The following DPPA4 variants were observed in gnomAD, a reference collection of about 807,000 sequenced individuals.
The protein encoded by DPPA4 is developmental pluripotency-associated protein 4.
In DPPA4, 22 loss-of-function variants were observed where a neutral mutation model predicts 33.7. The ratio of observed to expected loss-of-function variants is 0.65; its 90% CI spans 0.47 to 0.93. The LOEUF is 0.93. Ranked by LOEUF, DPPA4 falls within the 40% of genes least tolerant of loss-of-function variation. The pLI, the probability that DPPA4 is intolerant of heterozygous loss-of-function variation, is 0.00. For missense variants in DPPA4, 340 were observed against 358.6 expected (o/e 0.95, Z 0.42); for synonymous variants, 156 against 132.3 (o/e 1.18, Z -1.23).
At chr3:109,330,207 CAGG>C (rs372101826) in intron 5 of DPPA4, 4 of 330,996 alleles carry the variant, frequency 1.2e-5, no homozygotes, top group Middle Eastern at 1.1e-3. Context: ...AAGGCTGAGG[CAGG>C]AGAATTGCTT....
upstream of DPPA4, chr3:109,337,626 C>G (rs1576841937): frequency 1.1e-6 from 1 of 881,078 alleles, no homozygotes; most frequent in Middle Eastern, 2.5e-4. Flanking sequence ...TTTCTTCTCC[C>G]CTTCTGTTCC....
In DPPA4 at chr3:109,327,969, T is replaced by C. The variant is rs1268296811; in HGVS notation, c.*19A>G. On this transcript the variant is annotated 3_prime_UTR_variant, in exon 7 of 7. Transcript: ENST00000335658. ...TTTCTGCCATTAATTACCATAGATG[T>C]GGCCTTTTTCCTGATATTCTATTCC... 1.3e-6 allele frequency: 2 copies of C among 1,532,746 alleles called. No homozygotes were observed. The highest frequency in any genetic ancestry group is 1.4e-5 in the African/African-American group (1 of 72,924). 94.9% of individuals were successfully genotyped at this position (1,532,746 alleles called of 1,614,324 possible).
upstream of DPPA4, among the ~76,000 whole-genome samples, chr3:109,337,819 A>AAAAAAAC (rs147713544): frequency 5.9e-5 from 9 of 152,158 alleles, no homozygotes; most frequent in South Asian, 1.2e-3. Context: ...TCTACGGGGA[A>AAAAAAAC]AAAAAACAAA....
chr3:109,330,495 C>A (rs753141887), intron 5 of DPPA4, 29 bp downstream of exon 5: 8 of 1,611,814 alleles, frequency 5.0e-6, no homozygotes, highest in Non-Finnish European at 3.4e-6. Flanking sequence ...CCCCATTGGA[C>A]CAGAATAAGC....
chr3:109,334,227 A>G (rs1708145852), intron 1 of DPPA4, among the ~76,000 whole-genome samples: 1 of 152,158 alleles, frequency 6.6e-6, no homozygotes, highest in South Asian at 2.1e-4. Flanking sequence ...ACAGATACAA[A>G]CAAGAGTAGA....
At position 109,337,374 on chromosome 3, in the gene DPPA4, C is replaced by A. The variant is rs552755910; in HGVS notation, c.54+90G>T. 1.2e-5 allele frequency: 14 copies of A among 1,216,830 alleles called. No individual in the cohort carries two copies. In the South Asian group the frequency reaches 1.7e-4, roughly 15 times the overall value. The allele number at this position is 1,216,830 out of a possible 1,614,324, so 75.4% of individuals were successfully genotyped here. A position where few individuals can be genotyped will look rare whatever the true frequency, so the allele number is the denominator to read the frequency against. On this transcript the variant is annotated intron_variant, in intron 1 of 6. Coordinates refer to ENST00000335658, the MANE Select transcript of DPPA4 (RefSeq NM_018189.4). ...AGAGGAGAAAATTCGAAGGCACATTCTTTTCTCCTTAAAGGAAAAATCAGG... is the reference window on the plus strand; with the variant it reads ...AGAGGAGAAAATTCGAAGGCACATTATTTTCTCCTTAAAGGAAAAATCAGG...
Position 109,330,412 on chromosome 3 carries a change from G to C in DPPA4, c.679+112C>G, listed in dbSNP as rs754071396. ...CAGAAACTCTGTGGGCAGGGTCCAGGAATCACCGGCCCTCAAAGGGATTTT... is the reference window on the plus strand; with the variant it reads ...CAGAAACTCTGTGGGCAGGGTCCAGCAATCACCGGCCCTCAAAGGGATTTT... On this transcript the variant is annotated intron_variant, in intron 5 of 6. Coordinates refer to ENST00000335658, the MANE Select transcript of DPPA4 (RefSeq NM_018189.4). The C allele has an allele frequency of 2.5e-6, 3 of 1,212,664 alleles. No homozygotes were observed. The Admixed American group carries it at 5.5e-5, about 22-fold the overall frequency. The allele number at this position is 1,212,664 out of a possible 1,614,324, so 75.1% of individuals were successfully genotyped here.
chr3:109,329,112 C>T, intron 5 of DPPA4, 24 bp from the exon 6 acceptor site: 2 of 1,606,502 alleles, frequency 1.2e-6, no homozygotes, highest in Non-Finnish European at 1.7e-6. Context: ...AGGAAAGAGA[C>T]AGGTACCCGC....
rs1201131922 is a variant in DPPA4 at position 109,326,512 on chromosome 3, T to C, written c.*1476A>G. On this transcript the variant is annotated 3_prime_UTR_variant, in exon 7 of 7. Transcript: ENST00000335658. ...CTTTCCCAAACCTATTACACCTGTA[T>C]TATGATGGTTACAAATTTTCCAACT... 2.0e-5 allele frequency: 3 copies of C among 152,166 alleles called. No homozygotes were observed. Among genetic ancestry groups the C allele is most frequent in the African/African-American group, 7.2e-5 (3 of 41,442 alleles). The allele number at this position is 152,166 out of a possible 1,614,324, so 9.4% of individuals were successfully genotyped here.
chr3:109,338,473 T>A (rs2107356645), upstream of DPPA4, among the ~76,000 whole-genome samples: 1 of 152,350 alleles, frequency 6.6e-6, no homozygotes, highest in South Asian at 2.1e-4. Context: ...AAGGAAGCAG[T>A]GGCTGTGCGA....
intron 2 of DPPA4, among the ~76,000 whole-genome samples, chr3:109,332,576 A>T (rs921122740): frequency 2.0e-5 from 3 of 152,070 alleles, no homozygotes; most frequent in African/African-American, 7.2e-5. Flanking sequence ...TCCCAGGGGA[A>T]TTACCGCTGT....
At chr3:109,334,305 AG>A (rs1404605527) in intron 1 of DPPA4, among the ~76,000 whole-genome samples, 1 of 152,196 alleles carries the variant, frequency 6.6e-6, no homozygotes. Context: ...TGAGTGCTAT[AG>A]GAGGCCTAGG....
chr3:109,335,005 A>G (rs1422116120), intron 1 of DPPA4, among the ~76,000 whole-genome samples: 1 of 152,178 alleles, frequency 6.6e-6, no homozygotes, highest in East Asian at 1.9e-4. Context: ...TTTTCATCAT[A>G]GGCACTCAAT....
chr3:109,334,780 A>G (rs1279586301), intron 1 of DPPA4, among the ~76,000 whole-genome samples: 1 of 152,036 alleles, frequency 6.6e-6, no homozygotes, highest in Non-Finnish European at 1.5e-5. Context: ...CCAGCCACAT[A>G]ATTCCTTTCC....
Position 109,326,786 on chromosome 3 carries a change from T to C in DPPA4, c.*1202A>G, listed in dbSNP as rs1044693609. 6.6e-6 allele frequency: 1 copy of C among 152,154 alleles called. No individual in the cohort carries two copies. The highest frequency in any genetic ancestry group is 6.6e-5 in the Admixed American group (1 of 15,266). 9.4% of individuals were successfully genotyped at this position (152,154 alleles called of 1,614,324 possible). A position where few individuals can be genotyped will look rare whatever the true frequency, so the allele number is the denominator to read the frequency against. ...TATGTGAATCATACCTAAGTAGTTT[T>C]AAAAACAAATGATCCAACCCATACC... On this transcript the variant is annotated 3_prime_UTR_variant, in exon 7 of 7. Transcript: ENST00000335658.
chr3:109,337,101 T>C (rs1220551506), intron 1 of DPPA4, among the ~76,000 whole-genome samples: 1 of 151,878 alleles, frequency 6.6e-6, no homozygotes, highest in Non-Finnish European at 1.5e-5. Flanking sequence ...GGTTTCTCCA[T>C]TTTGGTCAGG....
chr3:109,335,179 G>T (rs977179865), intron 1 of DPPA4, among the ~76,000 whole-genome samples: 22 of 152,092 alleles, frequency 1.4e-4, no homozygotes, highest in African/African-American at 5.3e-4. Context: ...TAAAGAAAAG[G>T]TCTTGCCCTG....
At chr3:109,334,060 A>G in intron 1 of DPPA4, 67 bp from the exon 2 acceptor site, 1 of 1,576,950 alleles carries the variant, frequency 6.3e-7, no homozygotes. Context: ...TACCTGCCTC[A>G]AGATAACTCA....
At chr3:109,338,669 C>T (rs187346519), upstream of DPPA4, among the ~76,000 whole-genome samples, 445 of 152,134 alleles carry the variant, frequency 2.9e-3, 1 homozygote, top group Non-Finnish European at 4.4e-3. Flanking sequence ...AAACGGAGCC[C>T]AGGAATAGAG....
Sources: gnomAD v4.1 joint callset for allele counts (sites outside exome capture counted in the v4.1 genomes callset) on GRCh38, gnomAD v4.1.1 for gene constraint, MANE v1.5 for transcripts, NCBI Gene and HGNC (gene_info 2026-07-23, HGNC 2026-07-21) for gene names.